The following HIP1 variants were observed in gnomAD, a reference collection of about 807,000 sequenced individuals.
HIP1 encodes huntingtin interacting protein 1.
A neutral mutation model predicts 147.6 loss-of-function variants in HIP1; 65 were observed. The ratio of observed to expected loss-of-function variants is 0.44; its 90% CI spans 0.36 to 0.54. The LOEUF (loss-of-function observed/expected upper bound fraction) is 0.54. Ranked by LOEUF, HIP1 falls within the 20% of genes least tolerant of loss-of-function variation. HIP1 has a pLI of 0.00. For synonymous variants in HIP1, 479 were observed against 504.0 expected, an observed-to-expected ratio of 0.95 and a Z score of 0.67; for missense variants, 1,061 against 1,299.6, an observed-to-expected ratio of 0.82 and a Z score of 2.82.
intron 1 of HIP1, among the ~76,000 whole-genome samples, chr7:75,719,327 AC>A: frequency 6.6e-6 from 1 of 151,916 alleles, no homozygotes; most frequent in East Asian, 1.9e-4. Flanking sequence ...ACACGGTGAA[AC>A]CCCGTCTCTA....
intron 4 of HIP1, among the ~76,000 whole-genome samples, chr7:75,589,253 T>C (rs782401800): frequency 6.6e-6 from 1 of 151,866 alleles, no homozygotes; most frequent in African/African-American, 2.4e-5. Context: ...TAGACCCAAC[T>C]GGAGAGGAGG....
intron 1 of HIP1, among the ~76,000 whole-genome samples, chr7:75,675,839 G>A (rs1799869690): frequency 6.6e-6 from 1 of 152,084 alleles, no homozygotes; most frequent in African/African-American, 2.4e-5. Context: ...AAATCAGCCA[G>A]GCATGGTGGT....
At chr7:75,626,231 TC>T (rs2117109061) in intron 1 of HIP1, 1 of 152,238 alleles carries the variant, frequency 6.6e-6, no homozygotes, top group African/African-American at 2.4e-5. Flanking sequence ...CAAGGAAACT[TC>T]CCCTGTACTT....
At chr7:75,558,292 A>G in intron 14 of HIP1, 37 bp from the exon 15 acceptor site, 1 of 1,496,746 alleles carries the variant, frequency 6.7e-7, no homozygotes, top group Non-Finnish European at 9.3e-7. Flanking sequence ...AGTCTAACCT[A>G]GCAGGGACCC....
At chr7:75,580,332 AAAGAGGT>A (rs1795991567) in intron 7 of HIP1, among the ~76,000 whole-genome samples, 1 of 152,192 alleles carries the variant, frequency 6.6e-6, no homozygotes, top group African/African-American at 2.4e-5. Flanking sequence ...AGTGGCTGGC[AAAGAGGT>A]AAGACCTGTC....
intron 23 of HIP1, 30 bp from the exon 24 acceptor site, chr7:75,547,843 T>C: frequency 6.3e-7 from 1 of 1,596,048 alleles, no homozygotes; most frequent in Non-Finnish European, 8.6e-7. Context: ...TTTCTAAATG[T>C]GCCTTGAATA....
At chr7:75,666,463 C>A (rs1799563167) in intron 1 of HIP1, among the ~76,000 whole-genome samples, 1 of 152,120 alleles carries the variant, frequency 6.6e-6, no homozygotes, top group South Asian at 2.1e-4. Context: ...AGCCACCGTG[C>A]CAGGCCCATG....
In HIP1 at chr7:75,738,871, T is replaced by G. The variant is rs539912937; in HGVS notation, c.50A>C (p.Lys17Thr). 1.3e-6 allele frequency: 2 copies of G among 1,576,478 alleles called. No individual in the cohort carries two copies. The highest frequency in any genetic ancestry group is 4.8e-5 in the East Asian group (2 of 41,934). Residue 17 changes from lysine to threonine, a missense_variant, in exon 1 of 31, where the codon AAG becomes ACG. Coordinates refer to ENST00000336926, the MANE Select transcript of HIP1 (RefSeq NM_005338.7). ...GCCGACCCCGCGCCGGCTCAGCACC[T>G]TGGGCAGTGGGTTGGGCACCTGCTT... ...SMKQVPNPLP[K>T]VLSRRGVGAG...
intron 1 of HIP1, among the ~76,000 whole-genome samples, chr7:75,636,121 T>C (rs1798418966): frequency 6.6e-6 from 1 of 151,014 alleles, no homozygotes; most frequent in Non-Finnish European, 1.5e-5. Flanking sequence ...GTGGGTGGAT[T>C]GCTTGGGCCC....
chr7:75,685,341 C>T (rs1383753359), intron 1 of HIP1, among the ~76,000 whole-genome samples: 4 of 152,122 alleles, frequency 2.6e-5, no homozygotes, highest in Non-Finnish European at 4.4e-5. Flanking sequence ...GGAACAGGTG[C>T]CCCAGCCGCT....
chr7:75,551,994 A>T (rs983113677), intron 22 of HIP1, among the ~76,000 whole-genome samples: 1 of 152,062 alleles, frequency 6.6e-6, no homozygotes, highest in Admixed American at 6.6e-5. Flanking sequence ...GGTTCAAGTG[A>T]TTCTCCTGCC....
At chr7:75,539,207 G>A in intron 30 of HIP1, 116 bp downstream of exon 30, 1 of 704,644 alleles carries the variant, frequency 1.4e-6, no homozygotes, top group Non-Finnish European at 2.5e-6. Context: ...GAGAAGAGAA[G>A]GAAGAAGCCA....
intron 1 of HIP1, among the ~76,000 whole-genome samples, chr7:75,608,963 C>A (rs587602975): frequency 6.6e-6 from 1 of 152,162 alleles, no homozygotes; most frequent in Non-Finnish European, 1.5e-5. Flanking sequence ...CCTCTGTTCT[C>A]CTGAATGAGT....
chr7:75,544,868 TC>T, intron 26 of HIP1, 68 bp from the exon 27 acceptor site: 1 of 1,019,050 alleles, frequency 9.8e-7, no homozygotes, highest in Non-Finnish European at 1.5e-6. Context: ...CAATCCCACC[TC>T]CAGACCACCC....
At chr7:75,730,497 G>A (rs1278278881) in intron 1 of HIP1, among the ~76,000 whole-genome samples, 10 of 151,770 alleles carry the variant, frequency 6.6e-5, no homozygotes, top group African/African-American at 2.4e-4. Context: ...ACGCCACCAC[G>A]CCCAGCTAAT....
At chr7:75,563,414 G>A in intron 9 of HIP1, 151 bp from the exon 10 acceptor site, 3 of 636,578 alleles carry the variant, frequency 4.7e-6, no homozygotes, top group Non-Finnish European at 8.4e-6. Flanking sequence ...ATTCAATTAT[G>A]ATGCTGCAGA....
intron 1 of HIP1, among the ~76,000 whole-genome samples, chr7:75,631,055 G>A (rs587741600): frequency 6.6e-6 from 1 of 152,260 alleles, no homozygotes; most frequent in Admixed American, 6.5e-5. Flanking sequence ...TTGGGCTCAA[G>A]TGATCCACCT....
At chr7:75,555,195 C>CGGGGGGG (rs371043786) in intron 19 of HIP1, among the ~76,000 whole-genome samples, 135 of 23,598 alleles carry the variant, frequency 5.7e-3, no homozygotes, top group Non-Finnish European at 9.7e-3. Context: ...AGCGGGGGGG[C>CGGGGGGG]GGGGGGGGGG....
chr7:75,634,823 C>T (rs750446716), intron 1 of HIP1, among the ~76,000 whole-genome samples: 3 of 151,364 alleles, frequency 2.0e-5, no homozygotes, highest in Admixed American at 6.6e-5. Flanking sequence ...GTCTGTGGTC[C>T]TAGCTACTCA....
Sources: allele counts gnomAD v4.1 joint callset (sites outside exome capture counted in the v4.1 genomes callset), GRCh38; gene constraint gnomAD v4.1.1; transcripts MANE v1.5; gene names NCBI Gene and HGNC (gene_info 2026-07-23, HGNC 2026-07-21).